Variants in NLRP5 observed in about 807,000 individuals in gnomAD.
The protein encoded by NLRP5 is NACHT, LRR and PYD domains-containing protein 5.
A neutral mutation model predicts 113.1 loss-of-function variants in NLRP5; 93 were observed. The observed-to-expected ratio is 0.82, with a 90% CI of 0.70 to 0.98. The LOEUF (loss-of-function observed/expected upper bound fraction) is 0.98. Ranked by LOEUF, NLRP5 falls within the 50% of genes least tolerant of loss-of-function variation. The pLI is 0.00. For synonymous variants in NLRP5, 751 were observed against 600.7 expected, an observed-to-expected ratio of 1.25 and a Z score of -3.66; for missense variants, 1,808 against 1,514.3, an observed-to-expected ratio of 1.19 and a Z score of -3.22.
intron 11 of NLRP5, 115 bp from the exon 12 acceptor site, chr19:56,050,303 T>C: frequency 1.2e-6 from 1 of 851,266 alleles, no homozygotes; most frequent in Non-Finnish European, 1.7e-6. Context: ...AAAAAACAAA[T>C]ATGACCCCAC....
At chr19:56,019,252 A>G (rs1982524269) in intron 4 of NLRP5, 90 bp from the exon 5 acceptor site, 20 of 1,394,452 alleles carry the variant, frequency 1.4e-5, no homozygotes, top group African/African-American at 2.9e-5. Context: ...GAAAATAAAT[A>G]TGGCATGACT....
rs759215392 is a variant in NLRP5, at chr19:56,008,766, T to C, written c.443-22T>C. Reference sequence around the variant, plus strand: ...TACAGTGACTTCATTGAGGCCAGTCTCCCTTTTTCTTTGTCTTCCAGGACA... The same window carrying C: ...TACAGTGACTTCATTGAGGCCAGTCCCCCTTTTTCTTTGTCTTCCAGGACA... On this transcript the variant is annotated intron_variant, in intron 2 of 14. Coordinates refer to ENST00000390649, the MANE Select transcript of NLRP5 (RefSeq NM_153447.4). 15 of 1,594,974 alleles carry C rather than the reference T, an allele frequency of 9.4e-6. No homozygotes were observed. In the East Asian group the frequency reaches 1.1e-4, roughly 12 times the overall value.
intron 12 of NLRP5, among the ~76,000 whole-genome samples, 162 bp from the exon 13 acceptor site, chr19:56,053,476 A>G (rs2123339235): frequency 6.6e-6 from 1 of 152,322 alleles, no homozygotes; most frequent in Non-Finnish European, 1.5e-5. Flanking sequence ...TCCTCTCTCA[A>G]GCCAACAGAT....
chr19:56,038,896 C>T (rs1045672953), intron 10 of NLRP5, among the ~76,000 whole-genome samples: 2 of 152,186 alleles, frequency 1.3e-5, no homozygotes, highest in African/African-American at 4.8e-5. Context: ...ACTACAGCCT[C>T]AACTCTTGGG....
At chr19:56,043,542 CTTTTTTTTTT>C (rs369622191) in intron 11 of NLRP5, among the ~76,000 whole-genome samples, 143 of 92,648 alleles carry the variant, frequency 1.5e-3, no homozygotes, top group Non-Finnish European at 1.9e-3. Flanking sequence ...CTCTGCTATT[CTTTTTTTTTT>C]TTTTTTTTTT....
At chr19:56,005,574 TAC>T (rs74179655) in intron 2 of NLRP5, among the ~76,000 whole-genome samples, 5 of 129,712 alleles carry the variant, frequency 3.9e-5, no homozygotes, top group African/African-American at 9.0e-5. Context: ...TATATATTTA[TAC>T]ACACACGCAC....
the NLRP5 span, among the ~76,000 whole-genome samples, chr19:55,986,850 C>T: frequency 6.6e-6 from 1 of 152,152 alleles, no homozygotes; most frequent in Non-Finnish European, 1.5e-5. Context: ...TTGCTCTCTG[C>T]CCTTCCCGCT....
chr19:56,019,191 T>C lies in NLRP5; in HGVS notation c.566-151T>C, dbSNP rs1982521796. On this transcript the variant is annotated intron_variant, in intron 4 of 14. Transcript: ENST00000390649. ...TTTGAATTAGTGCTCATTGTACCAG[T>C]GCACTCTGTCTTCTAGCTGAGACAG... 20 of 791,778 alleles carry C rather than the reference T, an allele frequency of 2.5e-5. 1 individual carries two copies. In the South Asian group the frequency reaches 3.5e-4, roughly 14 times the overall value. 49.0% of individuals were successfully genotyped at this position (791,778 alleles called of 1,614,324 possible).
At chr19:56,033,224 C>G (rs955989586) in intron 8 of NLRP5, among the ~76,000 whole-genome samples, 17 of 152,120 alleles carry the variant, frequency 1.1e-4, no homozygotes, top group African/African-American at 4.1e-4. Flanking sequence ...GCATTCCAGC[C>G]TGGGTGACAG....
chr19:56,030,771 G>T (rs1029114883), intron 7 of NLRP5, among the ~76,000 whole-genome samples: 1 of 127,910 alleles, frequency 7.8e-6, no homozygotes, highest in Non-Finnish European at 1.6e-5. Context: ...CTGGAGTGCA[G>T]TGGTGCGATC....
Position 56,054,584 on chromosome 19 carries a change from AC to A in NLRP5, c.3299+777del, listed in dbSNP as rs1344928651. 5.3e-5 allele frequency among the ~76,000 whole-genome samples: 7 copies of A among 132,346 alleles called. No homozygotes were observed. The East Asian group carries it at 1.5e-3, about 29-fold the overall frequency. The allele number at this position is 132,346 out of a possible 152,430, so 86.8% of individuals were successfully genotyped here. On this transcript the variant is annotated intron_variant, in intron 13 of 14. Transcript: ENST00000390649. ...AAAAAAGTGAAAAAAAAAAAAAAAA[AC>A]GTGCTGATACGTTCCACCACATGGA...
the NLRP5 span, among the ~76,000 whole-genome samples, chr19:55,992,026 C>T: frequency 1.7e-3 from 263 of 152,236 alleles, 1 homozygote; most frequent in Middle Eastern, 3.4e-3. Flanking sequence ...TCCTCCCACC[C>T]TCCACCCTCA....
At chr19:56,003,190 T>C (rs558464808) in intron 1 of NLRP5, among the ~76,000 whole-genome samples, 2 of 152,244 alleles carry the variant, frequency 1.3e-5, no homozygotes, top group South Asian at 2.1e-4. Context: ...GTTTCACTCT[T>C]GTCCAGGCTG....
intron 6 of NLRP5, among the ~76,000 whole-genome samples, chr19:56,025,735 T>A (rs1243845005): frequency 1.3e-5 from 2 of 151,974 alleles, no homozygotes; most frequent in African/African-American, 4.8e-5. Flanking sequence ...TACAGCAGGA[T>A]TCCCCCATTG....
At position 56,033,625 on chromosome 19, in the gene NLRP5, T is replaced by G. The variant is rs1472325808; in HGVS notation, c.2531T>G (p.Leu844Trp). 6.2e-7 allele frequency: 1 copy of G among 1,613,736 alleles called. No homozygotes were observed. The highest frequency in any genetic ancestry group is 1.7e-5 in the Admixed American group (1 of 59,996). Residue 844 changes from leucine (L) to tryptophan (W), a missense_variant, in exon 9 of 15, where the codon TTG (leucine) becomes TGG (tryptophan). Coordinates refer to ENST00000390649, the MANE Select transcript of NLRP5 (RefSeq NM_153447.4). ...AACCGTAACCTAAGATCCCTCAACT[T>G]GGGAGGCACCCACCTGAAGGAAGAG...
intron 3 of NLRP5, among the ~76,000 whole-genome samples, chr19:56,009,736 TCTTGC>T (rs1283925045): frequency 6.6e-6 from 1 of 152,154 alleles, no homozygotes; most frequent in Admixed American, 6.6e-5. Context: ...GCCGCTACCA[TCTTGC>T]TCAGCTCCCA....
At chr19:56,050,685 C>A in intron 12 of NLRP5, 97 bp downstream of exon 12, 1 of 1,220,744 alleles carries the variant, frequency 8.2e-7, no homozygotes, top group Non-Finnish European at 1.1e-6. Context: ...GAACCAAAAA[C>A]TGCTTTCAGG....
chr19:56,035,976 T>C (rs2123316830), intron 9 of NLRP5, among the ~76,000 whole-genome samples: 1 of 152,130 alleles, frequency 6.6e-6, no homozygotes. Context: ...CGAGATTCTT[T>C]GATTCAATAA....
At chr19:55,986,797 C>T in the NLRP5 span, among the ~76,000 whole-genome samples, 1 of 152,020 alleles carries the variant, frequency 6.6e-6, no homozygotes, top group Non-Finnish European at 1.5e-5. Context: ...GCTGGACCTG[C>T]TCTTGGTGGT....
Sources: allele counts gnomAD v4.1 joint callset (sites outside exome capture counted in the v4.1 genomes callset), GRCh38; gene constraint gnomAD v4.1.1; transcripts MANE v1.5; gene names NCBI Gene and HGNC (gene_info 2026-07-23, HGNC 2026-07-21).